Variants in PXDNL observed in about 807,000 individuals in gnomAD.
The protein encoded by PXDNL is probable oxidoreductase PXDNL.
In PXDNL, 145 loss-of-function variants were observed where a neutral mutation model predicts 150.8. The observed-to-expected ratio is 0.96, with a 90% CI of 0.84 to 1.10. The LOEUF is 1.10. PXDNL is among the 50% of genes least tolerant of loss of function. The pLI is 0.00. For synonymous variants in PXDNL, 757 were observed against 725.7 expected, an observed-to-expected ratio of 1.04 and a Z score of -0.69; for missense variants, 2,087 against 1,873.9, an observed-to-expected ratio of 1.11 and a Z score of -2.10.
chr8:51,528,343 G>A (rs1811810423), intron 4 of PXDNL, among the ~76,000 whole-genome samples: 1 of 152,106 alleles, frequency 6.6e-6, no homozygotes, highest in African/African-American at 2.4e-5. Flanking sequence ...ATTTAAAAAT[G>A]CGCAGATGCC....
chr8:51,408,274 A>G lies in PXDNL; in HGVS notation c.3350T>C (p.Leu1117Pro). 1 of 1,613,936 alleles carries G rather than the reference A, an allele frequency of 6.2e-7. No homozygotes were observed. Among genetic ancestry groups the G allele is most frequent in the Non-Finnish European group, 8.5e-7 (1 of 1,179,864 alleles). ...VAAKWRAPSY[L>P]LSPELTQRLF... ...CCTCTGGGTCAGCTCAGGACTGAGA[A>G]GGTAGGAGGGTGCCCGCCATTTAGC... The change falls in exon 17 of 23, where the codon CTT becomes CCT. Residue 1117 changes from leucine (L) to proline (P), a missense_variant. Coordinates refer to ENST00000356297, the MANE Select transcript of PXDNL (RefSeq NM_144651.5).
chr8:51,530,270 G>T (rs762694632), intron 4 of PXDNL, among the ~76,000 whole-genome samples: 1 of 152,110 alleles, frequency 6.6e-6, no homozygotes, highest in Non-Finnish European at 1.5e-5. Context: ...GGGATCTAGC[G>T]AGTGATTTCT....
chr8:51,805,902 C>A (rs749664499), intron 1 of PXDNL, among the ~76,000 whole-genome samples: 1 of 152,186 alleles, frequency 6.6e-6, no homozygotes, highest in Non-Finnish European at 1.5e-5. Context: ...TCACCATACA[C>A]TGCTTCTGAT....
chr8:51,493,264 C>T (rs901047296), intron 5 of PXDNL, among the ~76,000 whole-genome samples: 4 of 152,080 alleles, frequency 2.6e-5, no homozygotes, highest in African/African-American at 9.7e-5. Context: ...AGGACATCTA[C>T]ACCAAAACCC....
chr8:51,529,154 C>T (rs1350231148), intron 4 of PXDNL, among the ~76,000 whole-genome samples: 1 of 152,142 alleles, frequency 6.6e-6, no homozygotes, highest in African/African-American at 2.4e-5. Context: ...GTTGTATATA[C>T]ACAAGCAAGA....
intron 12 of PXDNL, among the ~76,000 whole-genome samples, chr8:51,446,368 T>A (rs1809672274): frequency 6.6e-6 from 1 of 152,244 alleles, no homozygotes; most frequent in Non-Finnish European, 1.5e-5. Flanking sequence ...CATTTTGTAA[T>A]TAAGTTCCAT....
chr8:51,551,757 T>C (rs1377786099), intron 4 of PXDNL, among the ~76,000 whole-genome samples: 9 of 152,200 alleles, frequency 5.9e-5, no homozygotes, highest in Non-Finnish European at 5.9e-5. Flanking sequence ...TTCTAGACAT[T>C]GGCCTAGGCA....
At chr8:51,544,582 T>G (rs1199381393) in intron 4 of PXDNL, among the ~76,000 whole-genome samples, 4 of 152,200 alleles carry the variant, frequency 2.6e-5, no homozygotes. Context: ...CATTTATACT[T>G]GAAGCAAATG....
chr8:51,397,127 T>C (rs1222487448), intron 17 of PXDNL, among the ~76,000 whole-genome samples: 2 of 152,238 alleles, frequency 1.3e-5, no homozygotes, highest in Admixed American at 6.5e-5. Context: ...CACATTTTAG[T>C]TTACTGCTGT....
At chr8:51,520,398 G>GCGGGGAAGGGACTGGGT (rs375896802) in intron 4 of PXDNL, among the ~76,000 whole-genome samples, 2,292 of 152,178 alleles carry the variant, frequency 0.015, 30 homozygotes, top group South Asian at 0.034. Flanking sequence ...AGGGACTGGG[G>GCGGGGAAGGGACTGGGT]CAGGGAAGTG....
chr8:51,746,497 C>T (rs1291521045), intron 1 of PXDNL, among the ~76,000 whole-genome samples: 1 of 152,144 alleles, frequency 6.6e-6, no homozygotes, highest in Non-Finnish European at 1.5e-5. Flanking sequence ...GTATCATTAA[C>T]TTTCTTTATA....
At chr8:51,807,677 G>A (rs1372148265) in intron 1 of PXDNL, among the ~76,000 whole-genome samples, 2 of 152,200 alleles carry the variant, frequency 1.3e-5, no homozygotes, top group African/African-American at 2.4e-5. Context: ...AAACATAGTG[G>A]AAGGCTCTGC....
chr8:51,662,739 G>A (rs1253466309), intron 1 of PXDNL, among the ~76,000 whole-genome samples: 2 of 152,146 alleles, frequency 1.3e-5, no homozygotes, highest in East Asian at 3.9e-4. Flanking sequence ...GGGGGTTCCA[G>A]GGACCAATCC....
At chr8:51,636,207 A>G (rs963377008) in intron 2 of PXDNL, among the ~76,000 whole-genome samples, 27 of 152,176 alleles carry the variant, frequency 1.8e-4, no homozygotes, top group Non-Finnish European at 5.9e-5. Context: ...AAATTTCTGA[A>G]CATAATAAAG....
chr8:51,648,481 C>T (rs1814970433), intron 2 of PXDNL, among the ~76,000 whole-genome samples: 1 of 152,138 alleles, frequency 6.6e-6, no homozygotes, highest in East Asian at 1.9e-4. Context: ...GGCCTGGATG[C>T]TAAAAGAGGC....
At chr8:51,321,913 T>G (rs1450305979) in intron 21 of PXDNL, among the ~76,000 whole-genome samples, 17 of 151,998 alleles carry the variant, frequency 1.1e-4, no homozygotes, top group Admixed American at 1.1e-3. Context: ...GTTGAAGCCG[T>G]AATCCCCAAT....
intron 19 of PXDNL, among the ~76,000 whole-genome samples, chr8:51,348,986 G>A (rs1806251282): frequency 1.3e-5 from 2 of 152,216 alleles, no homozygotes; most frequent in African/African-American, 4.8e-5. Flanking sequence ...TGAATGGATG[G>A]ATGAGTCTAG....
At chr8:51,498,276 T>G (rs1811103965) in intron 5 of PXDNL, among the ~76,000 whole-genome samples, 1 of 121,116 alleles carries the variant, frequency 8.3e-6, no homozygotes, top group Non-Finnish European at 1.7e-5. Context: ...CACCGGGGCC[T>G]GTTGTGGGGT....
chr8:51,405,656 G>A (rs912601403), intron 17 of PXDNL, among the ~76,000 whole-genome samples: 2 of 152,140 alleles, frequency 1.3e-5, no homozygotes, highest in Non-Finnish European at 2.9e-5. Flanking sequence ...TTTGAGAACT[G>A]ACCGTAAAAA....
Sources: gnomAD v4.1 joint callset for allele counts (sites outside exome capture counted in the v4.1 genomes callset) on GRCh38, gnomAD v4.1.1 for gene constraint, MANE v1.5 for transcripts, NCBI Gene and HGNC (gene_info 2026-07-23, HGNC 2026-07-21) for gene names.